FNDC3B: variants seen among roughly 807,000 people sequenced by gnomAD.
FNDC3B encodes fibronectin type III domain-containing protein 3B.
FNDC3B carries 12 observed loss-of-function variants against 151.5 expected under a neutral mutation model. The ratio of observed to expected loss-of-function variants is 0.08; its 90% CI spans 0.05 to 0.13. The LOEUF is 0.13. Among genes scored for constraint, FNDC3B ranks in the 10% least tolerant of loss-of-function variants. The pLI, the probability that FNDC3B is intolerant of heterozygous loss-of-function variation, is 1.00. For missense variants in FNDC3B, 1,214 were observed against 1,505.3 expected (o/e 0.81, Z 3.20); for synonymous variants, 528 against 549.0 (o/e 0.96, Z 0.54).
chr3:172,220,041 G>C (rs569425525), intron 3 of FNDC3B, among the ~76,000 whole-genome samples: 12 of 138,544 alleles, frequency 8.7e-5, no homozygotes, highest in African/African-American at 2.8e-4. Context: ...GGAATTGGTG[G>C]GTCATAAGGT....
chr3:172,044,294 T>TG (rs1261536749), intron 1 of FNDC3B, among the ~76,000 whole-genome samples: 2 of 147,456 alleles, frequency 1.4e-5, no homozygotes, highest in South Asian at 2.1e-4. Flanking sequence ...TTTTTTTTTT[T>TG]TTTTTTTTGG....
At position 172,368,840 on chromosome 3, in the gene FNDC3B, G is replaced by A. The variant is rs142330164; in HGVS notation, c.3008+5995G>A. ...AGCCTGGCCAACATGGCGAAAACCC[G>A]TCTCTACTAAAAATACAAAAATTAG... On this transcript the variant is annotated intron_variant, in intron 23 of 25. Transcript: ENST00000415807. 2.0e-3 allele frequency among the ~76,000 whole-genome samples: 310 copies of A among 152,162 alleles called. 1 individual carries two copies. Among genetic ancestry groups the A allele is most frequent in the African/African-American group, 7.2e-3 (300 of 41,500 alleles).
chr3:172,381,090 A>C lies in FNDC3B; in HGVS notation c.3300A>C (p.Lys1100Asn), dbSNP rs1735412662. 1 of 1,613,174 alleles carries C rather than the reference A, an allele frequency of 6.2e-7. No individual in the cohort carries two copies. The highest frequency in any genetic ancestry group is 1.7e-5 in the Admixed American group (1 of 59,986). Residue 1100 changes from lysine (K) to asparagine (N), a missense_variant, in exon 25 of 26, where the codon AAA becomes AAC. Around this residue, in one of 7 missense-constraint regions of FNDC3B, gnomAD observed 284 missense variants for 392.4 expected, o/e 0.72. Coordinates refer to ENST00000415807, the MANE Select transcript of FNDC3B (RefSeq NM_022763.4). ...TGGTTGGAAGAGAATCTGAGTACAA[A>C]CAGGTAAGAACCAGTGTGCATGGCA... ...QVLVGRESEYKQVYKGEEATF... is the reference protein window; with the variant it reads ...QVLVGRESEYNQVYKGEEATF...
At position 172,245,853 on chromosome 3, in the gene FNDC3B, ATTATC is replaced by A. The variant is rs1025901099; in HGVS notation, c.265-1675_265-1671del. Among the ~76,000 whole-genome samples the A allele has an allele frequency of 3.9e-5, 6 of 152,208 alleles. No homozygotes were observed. The South Asian group carries it at 6.2e-4, about 16-fold the overall frequency. ...GGAATCTTAATTTTAAATAGGTAAT[ATTATC>A]TTATTTATGAACTATTAACACAGTA... On this transcript the variant is annotated intron_variant, in intron 4 of 25. Coordinates refer to ENST00000415807, the MANE Select transcript of FNDC3B (RefSeq NM_022763.4).
chr3:172,113,169 A>G (rs935242113), intron 2 of FNDC3B, among the ~76,000 whole-genome samples: 1 of 152,242 alleles, frequency 6.6e-6, no homozygotes, highest in Admixed American at 6.5e-5. Flanking sequence ...ACTTTAACAA[A>G]TTATTAGGGA....
intron 11 of FNDC3B, among the ~76,000 whole-genome samples, chr3:172,318,719 T>C (rs1731937524): frequency 6.6e-6 from 1 of 152,170 alleles, no homozygotes; most frequent in Non-Finnish European, 1.5e-5. Context: ...GAAGGTCAGC[T>C]TTCATTCCCC....
intron 3 of FNDC3B, among the ~76,000 whole-genome samples, chr3:172,170,983 G>A (rs1723251255): frequency 6.6e-6 from 1 of 152,146 alleles, no homozygotes; most frequent in African/African-American, 2.4e-5. Flanking sequence ...AGAAAATAAA[G>A]GGACTCCTTG....
At chr3:172,357,838 CA>C (rs1224238960) in intron 22 of FNDC3B, among the ~76,000 whole-genome samples, 1 of 151,988 alleles carries the variant, frequency 6.6e-6, no homozygotes, top group African/African-American at 2.4e-5. Context: ...TTCGCTGAAA[CA>C]AAATGTGTTT....
intron 22 of FNDC3B, among the ~76,000 whole-genome samples, chr3:172,361,986 A>G (rs781289230): frequency 6.6e-6 from 1 of 152,226 alleles, no homozygotes. Flanking sequence ...ATAACATTTT[A>G]TATATACATT....
At chr3:172,365,383 T>C (rs1350941886) in intron 23 of FNDC3B, among the ~76,000 whole-genome samples, 1 of 152,216 alleles carries the variant, frequency 6.6e-6, no homozygotes, top group African/African-American at 2.4e-5. Flanking sequence ...AATAATGATA[T>C]ATCCCGCTTG....
chr3:172,213,225 A>C (rs1300352387), intron 3 of FNDC3B, among the ~76,000 whole-genome samples: 1 of 152,218 alleles, frequency 6.6e-6, no homozygotes, highest in African/African-American at 2.4e-5. Flanking sequence ...CTGTGGCCAG[A>C]AAATTTTTAC....
chr3:172,341,610 C>T (rs2108306798), intron 17 of FNDC3B, among the ~76,000 whole-genome samples: 1 of 152,348 alleles, frequency 6.6e-6, no homozygotes, highest in East Asian at 1.9e-4. Flanking sequence ...CACAGCACTG[C>T]TGTTACCACA....
chr3:172,311,065 TTG>T (rs1450166609), intron 11 of FNDC3B, 184 bp downstream of exon 11: 1 of 578,330 alleles, frequency 1.7e-6, no homozygotes, highest in Non-Finnish European at 3.1e-6. Context: ...GTATTATGAG[TTG>T]TGTATTGAAA....
intron 11 of FNDC3B, among the ~76,000 whole-genome samples, chr3:172,313,581 T>G (rs1293672202): frequency 1.3e-5 from 2 of 152,196 alleles, no homozygotes; most frequent in African/African-American, 2.4e-5. Flanking sequence ...CTGTGAGGGA[T>G]CTGTGACGTA....
At chr3:172,251,639 G>A in intron 6 of FNDC3B, 98 bp downstream of exon 6, 13 of 1,194,904 alleles carry the variant, frequency 1.1e-5, no homozygotes, top group Non-Finnish European at 1.4e-5. Context: ...ATTTCATGGT[G>A]GTTGGTTGTT....
At chr3:172,156,767 A>C (rs1374762563) in intron 3 of FNDC3B, among the ~76,000 whole-genome samples, 1 of 151,112 alleles carries the variant, frequency 6.6e-6, no homozygotes, top group African/African-American at 2.4e-5. Flanking sequence ...AAAGCAGCTA[A>C]TTAATCTGTT....
chr3:172,288,379 G>A (rs1346529617), intron 7 of FNDC3B, among the ~76,000 whole-genome samples: 4 of 152,210 alleles, frequency 2.6e-5, no homozygotes, highest in East Asian at 1.9e-4. Flanking sequence ...TGCAGGGCCA[G>A]CCAGCTTAAC....
chr3:172,124,567 A>C (rs1720713828), intron 2 of FNDC3B, among the ~76,000 whole-genome samples: 2 of 152,256 alleles, frequency 1.3e-5, no homozygotes, highest in African/African-American at 4.8e-5. Flanking sequence ...AGATTTCCAT[A>C]CCTTAGCAAT....
chr3:172,240,099 C>T (rs1727420531), intron 4 of FNDC3B, among the ~76,000 whole-genome samples: 1 of 152,036 alleles, frequency 6.6e-6, no homozygotes, highest in African/African-American at 2.4e-5. Context: ...TCTTGATCTC[C>T]TGACCTTGTG....
Sources: allele counts gnomAD v4.1 joint callset (sites outside exome capture counted in the v4.1 genomes callset), GRCh38; gene constraint gnomAD v4.1.1; regional missense constraint gnomAD v4.1.1; transcripts MANE v1.5; gene names NCBI Gene and HGNC (gene_info 2026-07-23, HGNC 2026-07-21).